The following WDR70 variants were observed in gnomAD, a reference collection of about 807,000 sequenced individuals.
WDR70 encodes the protein WD repeat-containing protein 70.
A neutral mutation model predicts 88.6 loss-of-function variants in WDR70; 53 were observed. That is an observed-to-expected ratio of 0.60 (90% CI 0.48 to 0.75). The LOEUF (loss-of-function observed/expected upper bound fraction) is 0.75, where lower values mean the gene tolerates loss of function less well. Among genes scored for constraint, WDR70 ranks in the 30% least tolerant of loss-of-function variants. WDR70 has a pLI of 0.00. For synonymous variants in WDR70, 280 were observed against 270.0 expected (o/e 1.04, Z -0.36); for missense variants, 610 against 823.2 (o/e 0.74, Z 3.17).
intron 8 of WDR70, 128 bp downstream of exon 8, chr5:37,480,115 A>G: frequency 8.4e-7 from 1 of 1,188,002 alleles, no homozygotes; most frequent in Non-Finnish European, 1.2e-6. Flanking sequence ...ATTTGTTCTC[A>G]CAATCATGTG....
chr5:37,636,443 T>C (rs1744967173), intron 10 of WDR70, among the ~76,000 whole-genome samples: 1 of 152,222 alleles, frequency 6.6e-6, no homozygotes, highest in South Asian at 2.1e-4. Flanking sequence ...AGCAAAGCTC[T>C]GATGAGAAGC....
At chr5:37,396,159 C>A (rs534684353) in intron 4 of WDR70, among the ~76,000 whole-genome samples, 1 of 145,140 alleles carries the variant, frequency 6.9e-6, no homozygotes, top group Admixed American at 7.4e-5. Context: ...ATTGCTGTGA[C>A]CCTTTATTTT....
chr5:37,460,968 G>C (rs1285026345), intron 7 of WDR70, among the ~76,000 whole-genome samples: 1 of 151,716 alleles, frequency 6.6e-6, no homozygotes, highest in Non-Finnish European at 1.5e-5. Flanking sequence ...TATTAAGGTT[G>C]CCATATTTGC....
chr5:37,539,137 C>T (rs760482215), intron 9 of WDR70, among the ~76,000 whole-genome samples: 2 of 152,132 alleles, frequency 1.3e-5, no homozygotes, highest in Admixed American at 6.5e-5. Flanking sequence ...CAACTGCTTT[C>T]GCCTCCATAT....
At chr5:37,747,676 T>C (rs1561103754) in intron 17 of WDR70, among the ~76,000 whole-genome samples, 1 of 151,752 alleles carries the variant, frequency 6.6e-6, no homozygotes, top group Admixed American at 6.6e-5. Flanking sequence ...GGTATTCAGA[T>C]AGGAAGAGAG....
At chr5:37,432,235 A>G (rs1420713205) in intron 5 of WDR70, among the ~76,000 whole-genome samples, 2 of 152,094 alleles carry the variant, frequency 1.3e-5, no homozygotes, top group Non-Finnish European at 2.9e-5. Flanking sequence ...TGTTTATTTG[A>G]TAGTAAAAGT....
chr5:37,661,667 A>T (rs891642202), intron 10 of WDR70, among the ~76,000 whole-genome samples: 5 of 152,092 alleles, frequency 3.3e-5, no homozygotes, highest in African/African-American at 1.2e-4. Flanking sequence ...ATCATAGAGG[A>T]TGGAAGTGAG....
chr5:37,732,871 G>A (rs573640787), intron 17 of WDR70, among the ~76,000 whole-genome samples: 22 of 152,018 alleles, frequency 1.4e-4, no homozygotes, highest in African/African-American at 4.6e-4. Flanking sequence ...GGGGTGAGGG[G>A]TGCACTTTTG....
At chr5:37,520,446 G>A (rs1010969107) in intron 9 of WDR70, among the ~76,000 whole-genome samples, 5 of 152,004 alleles carry the variant, frequency 3.3e-5, no homozygotes, top group African/African-American at 9.7e-5. Flanking sequence ...AGATTATGTA[G>A]TGTTAATTTC....
At chr5:37,510,402 C>G (rs948460150) in intron 8 of WDR70, among the ~76,000 whole-genome samples, 38 of 152,132 alleles carry the variant, frequency 2.5e-4, no homozygotes, top group African/African-American at 9.2e-4. Flanking sequence ...AAACGTCATG[C>G]TCTTTTACTC....
At chr5:37,542,524 G>A (rs1741858124) in intron 9 of WDR70, among the ~76,000 whole-genome samples, 1 of 151,960 alleles carries the variant, frequency 6.6e-6, no homozygotes, top group African/African-American at 2.4e-5. Context: ...CTCGTGATCC[G>A]CCCACCTCAG....
chr5:37,487,338 T>C (rs1175952180), intron 8 of WDR70, among the ~76,000 whole-genome samples: 1 of 152,018 alleles, frequency 6.6e-6, no homozygotes, highest in African/African-American at 2.4e-5. Context: ...TACTTGAAAG[T>C]AGTAGATTTC....
chr5:37,454,624 A>T (rs1738778269), intron 7 of WDR70, among the ~76,000 whole-genome samples: 1 of 152,222 alleles, frequency 6.6e-6, no homozygotes, highest in Admixed American at 6.5e-5. Flanking sequence ...GTAGTCATAA[A>T]GTGTTATACA....
chr5:37,728,381 C>G (rs1173099867), intron 17 of WDR70, among the ~76,000 whole-genome samples: 1 of 146,930 alleles, frequency 6.8e-6, no homozygotes, highest in African/African-American at 2.5e-5. Context: ...AAAAAACAAA[C>G]TAAAACTATA....
At chr5:37,455,243 C>CT (rs544303522) in intron 7 of WDR70, among the ~76,000 whole-genome samples, 3,032 of 123,054 alleles carry the variant, frequency 0.025, 109 homozygotes, top group African/African-American at 0.075. Context: ...TTCTTTCTTT[C>CT]TTTTTTTTTT....
intron 3 of WDR70, among the ~76,000 whole-genome samples, chr5:37,385,406 A>G (rs2111858183): frequency 6.6e-6 from 1 of 151,470 alleles, no homozygotes; most frequent in South Asian, 2.1e-4. Context: ...TGTAGTCCCA[A>G]CTACTTGGGA....
At chr5:37,447,135 A>T (rs1738510750) in intron 7 of WDR70, among the ~76,000 whole-genome samples, 1 of 152,248 alleles carries the variant, frequency 6.6e-6, no homozygotes, top group Non-Finnish European at 1.5e-5. Context: ...AAGGATATGA[A>T]CAGACACTTC....
Position 37,396,511 on chromosome 5 carries a change from C to A in WDR70, c.433C>A (p.Pro145Thr). The stretch of plus-strand genomic sequence containing the variant: ...AGATATCCTCGGTCCTTTACCTCCA[C>A]CTCTTAATGAAGAAGAAGAAGAAGC... ...EEDILGPLPP[P>T]LNEEEEEAEE... is the part of the protein sequence containing the mutation. Residue 145 changes from proline (P) to threonine (T), a missense_variant, in exon 5 of 18, where the codon CCT becomes ACT. Physicochemically the swap from Pro to Thr is conservative, Grantham distance 38. Coordinates refer to ENST00000265107, the MANE Select transcript of WDR70 (RefSeq NM_018034.4). The A allele has an allele frequency of 6.2e-7, 1 of 1,613,764 alleles. No homozygotes were observed. The highest frequency in any genetic ancestry group is 8.5e-7 in the Non-Finnish European group (1 of 1,179,980).
intron 7 of WDR70, among the ~76,000 whole-genome samples, chr5:37,455,177 T>C (rs1738792249): frequency 6.6e-6 from 1 of 152,110 alleles, no homozygotes; most frequent in South Asian, 2.1e-4. Flanking sequence ...TATTGTAACA[T>C]TGGATTTTAC....
Sources: allele counts gnomAD v4.1 joint callset (sites outside exome capture counted in the v4.1 genomes callset), GRCh38; gene constraint gnomAD v4.1.1; transcripts MANE v1.5; gene names NCBI Gene and HGNC (gene_info 2026-07-23, HGNC 2026-07-21).